VDAC1: variants seen among roughly 807,000 people sequenced by gnomAD.
VDAC1 encodes non-selective voltage-gated ion channel VDAC1.
Under a neutral mutation model 34.7 loss-of-function variants are expected in VDAC1, and 10 were observed. That is an observed-to-expected ratio of 0.29 (90% CI 0.18 to 0.49). VDAC1 has a LOEUF of 0.49. VDAC1 is among the 20% of genes least tolerant of loss of function. The pLI is 0.99. For missense variants in VDAC1, 230 were observed against 347.9 expected, an observed-to-expected ratio of 0.66 and a Z score of 2.69; for synonymous variants, 130 against 136.0, an observed-to-expected ratio of 0.96 and a Z score of 0.30.
At chr5:134,108,947 C>T in the VDAC1 span, among the ~76,000 whole-genome samples, 2 of 152,192 alleles carry the variant, frequency 1.3e-5, no homozygotes, top group African/African-American at 4.8e-5. Context: ...CTCCAGGAAG[C>T]CCTCCCTAAC....
chr5:134,030,333 T>G, the VDAC1 span, among the ~76,000 whole-genome samples: 1 of 149,988 alleles, frequency 6.7e-6, no homozygotes, highest in Non-Finnish European at 1.5e-5. Flanking sequence ...AGAGTGAAAC[T>G]CCATCTCAAA....
chr5:134,055,574 C>T, the VDAC1 span, among the ~76,000 whole-genome samples: 1 of 133,918 alleles, frequency 7.5e-6, no homozygotes, highest in Non-Finnish European at 1.6e-5. Context: ...CGCCCGCCAC[C>T]ACGCCCCGCT....
the VDAC1 span, among the ~76,000 whole-genome samples, chr5:134,017,186 GC>G: frequency 8.6e-4 from 131 of 152,308 alleles, no homozygotes; most frequent in African/African-American, 3.1e-3. Flanking sequence ...AGTATTTCAA[GC>G]CGGGCGCGGT....
At chr5:134,038,389 T>G in the VDAC1 span, among the ~76,000 whole-genome samples, 90 of 152,252 alleles carry the variant, frequency 5.9e-4, no homozygotes, top group African/African-American at 2.1e-3. Context: ...AAGCCCAGTG[T>G]GGCTGGAGGG....
rs1412752526 is a variant in VDAC1, at chr5:134,002,663, T to C, written c.-7+2232A>G. ...GTTTTCCACAAGTGAGATGTCTGTG[T>C]CCCTCAAAAGGATGTCCAGGACCGG... On this transcript the variant is annotated intron_variant, in intron 1 of 8. Coordinates refer to ENST00000265333, the MANE Select transcript of VDAC1 (RefSeq NM_003374.3). 1.1e-4 allele frequency among the ~76,000 whole-genome samples: 16 copies of C among 152,296 alleles called. No homozygotes were observed. In the East Asian group the frequency reaches 2.9e-3, roughly 28 times the overall value.
chr5:134,011,658 T>C, the VDAC1 span, among the ~76,000 whole-genome samples: 1 of 137,100 alleles, frequency 7.3e-6, no homozygotes, highest in African/African-American at 2.7e-5. Flanking sequence ...TTTTTTTTTT[T>C]AGACAGAGTT....
At chr5:134,078,847 C>T in the VDAC1 span, among the ~76,000 whole-genome samples, 1 of 151,970 alleles carries the variant, frequency 6.6e-6, no homozygotes, top group African/African-American at 2.4e-5. Flanking sequence ...GATGGGGTTT[C>T]ACCATGTTGG....
chr5:133,985,281 G>C (rs1752864353), intron 5 of VDAC1, among the ~76,000 whole-genome samples: 1 of 152,196 alleles, frequency 6.6e-6, no homozygotes, highest in Non-Finnish European at 1.5e-5. Flanking sequence ...TTATGCCTTG[G>C]AACCTCAATT....
At chr5:134,057,937 C>A in the VDAC1 span, among the ~76,000 whole-genome samples, 23 of 152,266 alleles carry the variant, frequency 1.5e-4, no homozygotes, top group African/African-American at 4.6e-4. Flanking sequence ...TGCTCTGTCA[C>A]CCAGGCTGGA....
chr5:134,105,876 T>A, the VDAC1 span, among the ~76,000 whole-genome samples: 1 of 152,250 alleles, frequency 6.6e-6, no homozygotes, highest in East Asian at 1.9e-4. Context: ...ATGATGGAGC[T>A]TACTCAGCTG....
the VDAC1 span, among the ~76,000 whole-genome samples, chr5:134,019,845 GC>G: frequency 2.0e-5 from 3 of 152,142 alleles, no homozygotes; most frequent in Non-Finnish European, 4.4e-5. Flanking sequence ...TATTTCTCTA[GC>G]CTCCTCCTGA....
At chr5:134,094,505 G>A in the VDAC1 span, among the ~76,000 whole-genome samples, 2 of 152,076 alleles carry the variant, frequency 1.3e-5, no homozygotes, top group African/African-American at 4.8e-5. Flanking sequence ...AGACCATCCT[G>A]GCTAACACGA....
the VDAC1 span, among the ~76,000 whole-genome samples, chr5:134,057,536 TATATA>T: frequency 7.7e-6 from 1 of 130,244 alleles, no homozygotes; most frequent in Non-Finnish European, 1.7e-5. Context: ...TATCTATATC[TATATA>T]AGCCAAGTGT....
At chr5:134,019,248 C>CA in the VDAC1 span, among the ~76,000 whole-genome samples, 1 of 151,988 alleles carries the variant, frequency 6.6e-6, no homozygotes, top group Non-Finnish European at 1.5e-5. Context: ...CCTGCATGTA[C>CA]ACCTAATTAC....
chr5:134,008,147 C>T (rs1202359911), upstream of VDAC1, among the ~76,000 whole-genome samples: 3 of 151,232 alleles, frequency 2.0e-5, no homozygotes, highest in Non-Finnish European at 4.4e-5. Flanking sequence ...ATCCTGGCCT[C>T]CCACCGCCCC....
chr5:134,094,695 C>CAAAAAAAAA, the VDAC1 span, among the ~76,000 whole-genome samples: 1 of 68,504 alleles, frequency 1.5e-5, no homozygotes, highest in African/African-American at 6.3e-5. Flanking sequence ...GACTCCGTCT[C>CAAAAAAAAA]AAAAAAAAAA....
At chr5:133,991,714 T>C (rs975561290) in intron 3 of VDAC1, among the ~76,000 whole-genome samples, 1 of 151,672 alleles carries the variant, frequency 6.6e-6, no homozygotes, top group Admixed American at 6.6e-5. Context: ...GAAAATGGAA[T>C]GAATGTGAAA....
the VDAC1 span, among the ~76,000 whole-genome samples, chr5:134,058,530 C>T: frequency 1.2e-4 from 18 of 151,874 alleles, no homozygotes; most frequent in Admixed American, 5.9e-4. Context: ...TTAACCAGGA[C>T]GGTCTCAATC....
the VDAC1 span, among the ~76,000 whole-genome samples, chr5:134,089,037 A>T: frequency 6.6e-6 from 1 of 152,226 alleles, no homozygotes; most frequent in Non-Finnish European, 1.5e-5. Flanking sequence ...TCAGTTTGCA[A>T]GAAGCTAAGA....
Sources: gnomAD v4.1 joint callset for allele counts (sites outside exome capture counted in the v4.1 genomes callset) on GRCh38, gnomAD v4.1.1 for gene constraint, MANE v1.5 for transcripts, NCBI Gene and HGNC (gene_info 2026-07-23, HGNC 2026-07-21) for gene names.